Variants in SLC23A2 observed in about 807,000 individuals in gnomAD.
SLC23A2 encodes the protein Na(+)/L-ascorbic acid transporter 2.
SLC23A2 carries 36 observed loss-of-function variants against 73.3 expected under a neutral mutation model. The observed-to-expected ratio is 0.49, with a 90% confidence interval of 0.38 to 0.65. The LOEUF is 0.65. Among genes scored for constraint, SLC23A2 ranks in the 30% least tolerant of loss-of-function variants. The probability of loss-of-function intolerance (pLI) is 0.00; values close to 1 mark genes in which losing one functional copy is unlikely to be tolerated. For synonymous variants in SLC23A2, 343 were observed against 327.3 expected (o/e 1.05, Z -0.52); for missense variants, 507 against 841.6 (o/e 0.60, Z 4.92).
At chr20:4,957,419 A>C (rs573540184) in intron 2 of SLC23A2, among the ~76,000 whole-genome samples, 63 of 151,902 alleles carry the variant, frequency 4.1e-4, no homozygotes, top group Middle Eastern at 3.4e-3. Context: ...TATGATCATG[A>C]CACTGCACTC....
intron 2 of SLC23A2, among the ~76,000 whole-genome samples, chr20:4,961,984 A>T (rs1370120388): frequency 6.6e-6 from 1 of 152,094 alleles, no homozygotes; most frequent in Non-Finnish European, 1.5e-5. Context: ...AGGCAGCATG[A>T]GGTGAGAGAA....
intron 1 of SLC23A2, among the ~76,000 whole-genome samples, chr20:5,008,816 C>T (rs2088218279): frequency 6.6e-6 from 1 of 152,130 alleles, no homozygotes. Context: ...ACCCTCCCGC[C>T]TCAGCCTCCC....
intron 9 of SLC23A2, among the ~76,000 whole-genome samples, chr20:4,880,326 C>T (rs902532095): frequency 1.3e-4 from 20 of 152,134 alleles, no homozygotes; most frequent in African/African-American, 3.1e-4. Context: ...GCAACTATCT[C>T]GGCTGCTCTT....
At chr20:4,982,473 C>A (rs1364493274) in intron 1 of SLC23A2, among the ~76,000 whole-genome samples, 3 of 152,168 alleles carry the variant, frequency 2.0e-5, no homozygotes, top group African/African-American at 7.2e-5. Flanking sequence ...CACTCACTCT[C>A]AAAATCCCAT....
intron 3 of SLC23A2, among the ~76,000 whole-genome samples, chr20:4,921,585 C>G (rs1393873777): frequency 8.0e-6 from 1 of 124,848 alleles, no homozygotes; most frequent in East Asian, 2.3e-4. Context: ...GACCCTGTCT[C>G]AAACAACAAT....
In SLC23A2 at chr20:4,854,413, G is replaced by C. The variant is rs1023448947; in HGVS notation, c.*2559C>G. ...ATGGTGTGTGTGTGTGTGTGTGTGT[G>C]TGTTACATGTTCAAGTTTATTAGTC... On this transcript the variant is annotated 3_prime_UTR_variant, in exon 17 of 17. Coordinates refer to ENST00000338244, the MANE Select transcript of SLC23A2 (RefSeq NM_005116.6). 1 of 146,282 alleles carries C rather than the reference G, an allele frequency of 6.8e-6. No homozygotes were observed. The highest frequency in any genetic ancestry group is 6.8e-5 in the Admixed American group (1 of 14,750). 9.1% of individuals were successfully genotyped at this position (146,282 alleles called of 1,614,324 possible).
chr20:5,003,803 C>T (rs962321888), upstream of SLC23A2, among the ~76,000 whole-genome samples: 3 of 152,126 alleles, frequency 2.0e-5, no homozygotes, highest in Non-Finnish European at 4.4e-5. Context: ...ACTGTCCCTC[C>T]CTGTTTTATC....
chr20:4,948,888 G>T (rs2087156313), intron 2 of SLC23A2, among the ~76,000 whole-genome samples: 1 of 152,074 alleles, frequency 6.6e-6, no homozygotes, highest in Non-Finnish European at 1.5e-5. Flanking sequence ...AAATATATCT[G>T]CACTCAGCTA....
intron 2 of SLC23A2, among the ~76,000 whole-genome samples, chr20:4,941,290 G>A (rs550461895): frequency 4.6e-5 from 7 of 152,258 alleles, no homozygotes; most frequent in Admixed American, 3.9e-4. Context: ...TACTCTGGGA[G>A]GCTAAGAGTG....
At chr20:4,965,172 T>G (rs2087456290) in intron 2 of SLC23A2, among the ~76,000 whole-genome samples, 1 of 152,102 alleles carries the variant, frequency 6.6e-6, no homozygotes, top group African/African-American at 2.4e-5. Flanking sequence ...GAGAGAGCGC[T>G]GGGAGGGCTA....
intron 1 of SLC23A2, among the ~76,000 whole-genome samples, chr20:4,986,169 G>A (rs760934619): frequency 5.3e-5 from 8 of 152,036 alleles, no homozygotes; most frequent in Non-Finnish European, 1.0e-4. Context: ...CAGAGTACAC[G>A]GCCTAAAAGG....
chr20:4,920,087 C>A (rs1370555604), intron 3 of SLC23A2, among the ~76,000 whole-genome samples: 2 of 152,114 alleles, frequency 1.3e-5, no homozygotes, highest in African/African-American at 4.8e-5. Context: ...ATGGTGAAAC[C>A]CCATCTCCAC....
At chr20:4,989,236 CAA>C (rs138535169) in intron 1 of SLC23A2, among the ~76,000 whole-genome samples, 12 of 72,886 alleles carry the variant, frequency 1.6e-4, no homozygotes, top group East Asian at 5.2e-4. Context: ...GACCCCGTCT[CAA>C]AAAAAAAAAA....
At chr20:4,886,041 A>G in intron 6 of SLC23A2, 132 bp from the exon 7 acceptor site, 1 of 597,074 alleles carries the variant, frequency 1.7e-6, no homozygotes, top group Non-Finnish European at 3.0e-6. Context: ...TAGAAGAAAA[A>G]GCCCCAGTTT....
intron 2 of SLC23A2, among the ~76,000 whole-genome samples, chr20:4,958,741 T>C (rs1231386375): frequency 2.6e-5 from 4 of 152,072 alleles, no homozygotes; most frequent in South Asian, 2.1e-4. Context: ...TAGCTGCAAA[T>C]GTTACGCTGT....
upstream of SLC23A2, among the ~76,000 whole-genome samples, chr20:5,004,692 A>T (rs78483382): frequency 8.5e-3 from 1,295 of 152,178 alleles, 11 homozygotes; most frequent in African/African-American, 8.9e-3. Context: ...ATAAATAAAT[A>T]AATAAATTAA....
At chr20:4,993,496 G>A (rs1489840742) in intron 1 of SLC23A2, among the ~76,000 whole-genome samples, 3 of 149,816 alleles carry the variant, frequency 2.0e-5, no homozygotes, top group East Asian at 3.9e-4. Context: ...CAACCTGTAC[G>A]TGTTTCTCAA....
chr20:4,985,103 C>T (rs1322900079), intron 1 of SLC23A2, among the ~76,000 whole-genome samples: 1 of 145,912 alleles, frequency 6.9e-6, no homozygotes, highest in African/African-American at 2.6e-5. Context: ...CGCCACTGCA[C>T]TCCAGCCTGG....
chr20:4,930,392 T>A (rs1244679894), intron 3 of SLC23A2, among the ~76,000 whole-genome samples: 1 of 152,182 alleles, frequency 6.6e-6, no homozygotes, highest in Non-Finnish European at 1.5e-5. Context: ...GTTTCAAAAT[T>A]TTTCATTATA....
Sources: gnomAD v4.1 joint callset for allele counts (sites outside exome capture counted in the v4.1 genomes callset) on GRCh38, gnomAD v4.1.1 for gene constraint, MANE v1.5 for transcripts, NCBI Gene and HGNC (gene_info 2026-07-23, HGNC 2026-07-21) for gene names.